The following DSCAML1 variants were observed in gnomAD, a reference collection of about 807,000 sequenced individuals.
The protein encoded by DSCAML1 is cell adhesion molecule DSCAML1.
DSCAML1 carries 38 observed loss-of-function variants against 200.5 expected under a neutral mutation model. The observed-to-expected ratio is 0.19, with a 90% CI of 0.15 to 0.25. The LOEUF is 0.25. Ranked by LOEUF, DSCAML1 falls within the 10% of genes least tolerant of loss-of-function variation. The probability of loss-of-function intolerance (pLI) is 1.00; values close to 1 mark genes in which losing one functional copy is unlikely to be tolerated. For synonymous variants in DSCAML1, 1,215 were observed against 1,165.0 expected, an observed-to-expected ratio of 1.04 and a Z score of -0.87; for missense variants, 2,223 against 2,858.8, an observed-to-expected ratio of 0.78 and a Z score of 5.07.
intron 1 of DSCAML1, among the ~76,000 whole-genome samples, chr11:117,811,599 C>T (rs1322305659): frequency 1.3e-5 from 2 of 152,164 alleles, no homozygotes; most frequent in African/African-American, 4.8e-5. Flanking sequence ...TGCCTGCAGC[C>T]CAGGATTCCT....
At chr11:117,633,507 G>A (rs901779389) in intron 3 of DSCAML1, among the ~76,000 whole-genome samples, 7 of 152,300 alleles carry the variant, frequency 4.6e-5, no homozygotes, top group South Asian at 4.1e-4. Flanking sequence ...AGCCTTCAGC[G>A]CGTGGCAGGT....
At chr11:117,465,897 A>G (rs532188117) in intron 16 of DSCAML1, among the ~76,000 whole-genome samples, 1 of 152,340 alleles carries the variant, frequency 6.6e-6, no homozygotes, top group Admixed American at 6.5e-5. Context: ...AAAGAGTCCC[A>G]AGATACCACT....
Position 117,558,622 on chromosome 11 carries a change from A to G in DSCAML1, c.512-26100T>C, listed in dbSNP as rs540720845. On this transcript the variant is annotated intron_variant, in intron 3 of 32. Transcript: ENST00000651296. ...CTCTATGTGTAGCAGGACGAGTCAC[A>G]GACAAAACTCCTCAGACACTGGATT... Among the ~76,000 whole-genome samples the G allele has an allele frequency of 3.8e-3, 585 of 152,342 alleles. 3 individuals are homozygous for G. Among genetic ancestry groups the G allele is most frequent in the Admixed American group, 6.9e-3 (105 of 15,306 alleles).
intron 3 of DSCAML1, among the ~76,000 whole-genome samples, chr11:117,568,894 A>G (rs537854822): frequency 6.6e-6 from 1 of 152,356 alleles, no homozygotes; most frequent in East Asian, 1.9e-4. Context: ...GGAACCAAAA[A>G]AGAGCCCGCA....
intron 3 of DSCAML1, among the ~76,000 whole-genome samples, chr11:117,756,248 G>A (rs567243997): frequency 7.8e-4 from 119 of 152,334 alleles, no homozygotes; most frequent in African/African-American, 2.5e-3. Flanking sequence ...ACTCTTAGGG[G>A]CAGGGATGCC....
chr11:117,639,699 C>T (rs529942365), intron 3 of DSCAML1, among the ~76,000 whole-genome samples: 204 of 152,198 alleles, frequency 1.3e-3, no homozygotes, highest in Middle Eastern at 3.4e-3. Flanking sequence ...CATTCTGCCA[C>T]GGGCTTGTGT....
chr11:117,787,260 A>G (rs1308269674), intron 1 of DSCAML1, among the ~76,000 whole-genome samples: 3 of 152,182 alleles, frequency 2.0e-5, no homozygotes, highest in Non-Finnish European at 4.4e-5. Context: ...GTTAATATAT[A>G]TGAAGAGCTT....
chr11:117,727,889 T>A (rs1439691307), intron 3 of DSCAML1, among the ~76,000 whole-genome samples: 1 of 152,168 alleles, frequency 6.6e-6, no homozygotes, highest in African/African-American at 2.4e-5. Flanking sequence ...CTAATTGTCA[T>A]CAGCTCACAG....
chr11:117,742,986 A>C (rs1194819386), intron 3 of DSCAML1, among the ~76,000 whole-genome samples: 1 of 111,180 alleles, frequency 9.0e-6, no homozygotes, highest in Non-Finnish European at 2.1e-5. Context: ...ATAGCTATGG[A>C]GATGCTCACT....
chr11:117,656,126 C>T (rs1247496549), intron 3 of DSCAML1, among the ~76,000 whole-genome samples: 2 of 152,188 alleles, frequency 1.3e-5, no homozygotes, highest in Admixed American at 6.5e-5. Context: ...TAATCTCAGC[C>T]ACTCGGGAAG....
Position 117,505,170 on chromosome 11 carries a change from C to G in DSCAML1, c.2063-127G>C. On this transcript the variant is annotated intron_variant, in intron 9 of 32. Transcript: ENST00000651296. The surrounding 1 kb of genome is among the most constrained non-coding windows in gnomAD (Gnocchi z 6.7). ...TTATAAAGTTGGAAGCGGGCAGTTT[C>G]TGAAACCCAAGATGCTGAGAACTTT... The G allele has an allele frequency of 7.1e-7, 1 of 1,401,322 alleles. No homozygotes were observed. Among genetic ancestry groups the G allele is most frequent in the Non-Finnish European group, 9.6e-7 (1 of 1,038,332 alleles). 86.8% of individuals were successfully genotyped at this position (1,401,322 alleles called of 1,614,324 possible).
At chr11:117,478,577 C>G (rs1247981994) in intron 14 of DSCAML1, among the ~76,000 whole-genome samples, 1 of 152,210 alleles carries the variant, frequency 6.6e-6, no homozygotes, top group African/African-American at 2.4e-5. Context: ...CCCCCGGGAG[C>G]TCAGACATTG....
chr11:117,637,892 G>A (rs1050293978), intron 3 of DSCAML1, among the ~76,000 whole-genome samples: 4 of 152,120 alleles, frequency 2.6e-5, no homozygotes, highest in East Asian at 1.9e-4. Flanking sequence ...GGTAAACACC[G>A]CTGGGTGCTG....
intron 3 of DSCAML1, among the ~76,000 whole-genome samples, chr11:117,639,253 G>GGA: frequency 6.8e-6 from 1 of 146,550 alleles, no homozygotes; most frequent in Non-Finnish European, 1.5e-5. Context: ...GGGAGGCTGG[G>GGA]TGGGAGGCTG....
Position 117,432,315 on chromosome 11 carries a change from T to C in DSCAML1, c.5179+37A>G. The C allele has an allele frequency of 3.2e-6, 5 of 1,585,372 alleles. No homozygotes were observed. The South Asian group carries it at 3.5e-5, about 11-fold the overall frequency. ...TCATGCTATGCCCAAGCCACCCCGG[T>C]TGGGAAAAGGGCTGTCTCCCTGGGG... On this transcript the variant is annotated intron_variant, in intron 30 of 32. Coordinates refer to ENST00000651296, the MANE Select transcript of DSCAML1 (RefSeq NM_020693.4).
chr11:117,562,227 C>T (rs1261291555), intron 3 of DSCAML1, among the ~76,000 whole-genome samples: 1 of 152,164 alleles, frequency 6.6e-6, no homozygotes, highest in Non-Finnish European at 1.5e-5. Context: ...CTGAGGAGCT[C>T]AAGCTCCAGT....
chr11:117,675,470 ATT>A (rs533948278), intron 3 of DSCAML1, among the ~76,000 whole-genome samples: 8,876 of 96,626 alleles, frequency 0.092, 765 homozygotes, highest in African/African-American at 0.27. Flanking sequence ...GCTGATTGAA[ATT>A]TTTTTTTTTT....
intron 3 of DSCAML1, among the ~76,000 whole-genome samples, chr11:117,587,023 C>A (rs1003589527): frequency 6.6e-6 from 1 of 152,278 alleles, no homozygotes; most frequent in East Asian, 1.9e-4. Flanking sequence ...CATACCAACA[C>A]GTCAGCTCTT....
At chr11:117,483,169 G>C (rs1302628582) in intron 11 of DSCAML1, among the ~76,000 whole-genome samples, 2 of 152,212 alleles carry the variant, frequency 1.3e-5, no homozygotes, top group East Asian at 3.9e-4. Flanking sequence ...CTCAGCTGCA[G>C]CGAAACCCTG....
Sources: gnomAD v4.1 joint callset for allele counts (sites outside exome capture counted in the v4.1 genomes callset) on GRCh38, gnomAD v4.1.1 for gene constraint, Gnocchi (gnomAD v3.1) non-coding constraint, MANE v1.5 for transcripts, NCBI Gene and HGNC (gene_info 2026-07-23, HGNC 2026-07-21) for gene names.